CHMP4B: variants seen among roughly 807,000 people sequenced by gnomAD.
The protein encoded by CHMP4B is SNF7 homolog associated with Alix 1.
A neutral mutation model predicts 25.1 loss-of-function variants in CHMP4B; 1 was observed. The ratio of observed to expected loss-of-function variants is 0.04; its 90% CI spans 0.01 to 0.19. The LOEUF (loss-of-function observed/expected upper bound fraction) is 0.19, where lower values mean the gene tolerates loss of function less well. CHMP4B is among the 10% of genes least tolerant of loss of function. CHMP4B has a pLI of 1.00. For synonymous variants in CHMP4B, 101 were observed against 115.6 expected (o/e 0.87, Z 0.81); for missense variants, 151 against 289.7 (o/e 0.52, Z 3.48).
chr20:33,830,951 G>GTTTTTT (rs1555792014), intron 1 of CHMP4B, among the ~76,000 whole-genome samples: 68 of 72,962 alleles, frequency 9.3e-4, no homozygotes, highest in East Asian at 2.2e-3. Context: ...TTTTTTTTTA[G>GTTTTTT]TTTTTTTGAG....
intron 1 of CHMP4B, among the ~76,000 whole-genome samples, chr20:33,813,180 G>C (rs931685616): frequency 1.1e-4 from 16 of 152,006 alleles, no homozygotes; most frequent in Middle Eastern, 3.4e-3. Context: ...CCTTCTGGGC[G>C]TGGAAAGCAG....
intron 2 of CHMP4B, 74 bp downstream of exon 2, chr20:33,848,718 G>A (rs1158682536): frequency 1.3e-6 from 2 of 1,514,572 alleles, no homozygotes; most frequent in African/African-American, 1.4e-5. Flanking sequence ...CCATGGCCTT[G>A]GGCAGACGGA....
In CHMP4B at chr20:33,829,782, C is replaced by T. The variant is rs190025089; in HGVS notation, c.190+18124C>T. On this transcript the variant is annotated intron_variant, in intron 1 of 4. Coordinates refer to ENST00000217402, the MANE Select transcript of CHMP4B (RefSeq NM_176812.5). ...AGAGTCTCCGGAGATAGTTTAAGACCAGTGCCTAATGTAGGGTCAGCCTGA... is the reference window on the plus strand; with the variant it reads ...AGAGTCTCCGGAGATAGTTTAAGACTAGTGCCTAATGTAGGGTCAGCCTGA... Among the ~76,000 whole-genome samples, 14 of 152,258 alleles carry T rather than the reference C, an allele frequency of 9.2e-5. No homozygotes were observed. The East Asian group carries it at 2.7e-3, about 29-fold the overall frequency.
intron 1 of CHMP4B, among the ~76,000 whole-genome samples, chr20:33,837,145 G>A (rs1484612449): frequency 1.3e-5 from 2 of 152,156 alleles, no homozygotes; most frequent in African/African-American, 4.8e-5. Flanking sequence ...CTGGCCGGGC[G>A]CGGTGGCTCA....
chr20:33,837,918 C>T (rs1294366638), intron 1 of CHMP4B, among the ~76,000 whole-genome samples: 1 of 152,142 alleles, frequency 6.6e-6, no homozygotes, highest in East Asian at 1.9e-4. Context: ...TATGGGTTCA[C>T]CTATTGTTAG....
intron 1 of CHMP4B, among the ~76,000 whole-genome samples, chr20:33,821,641 A>T (rs558914201): frequency 5.3e-5 from 8 of 151,834 alleles, no homozygotes; most frequent in Admixed American, 2.0e-4. Context: ...AACCCAGATT[A>T]GGCTGGGTAT....
intron 1 of CHMP4B, among the ~76,000 whole-genome samples, chr20:33,846,729 G>T (rs1979699683): frequency 6.6e-6 from 1 of 152,148 alleles, no homozygotes; most frequent in South Asian, 2.1e-4. Context: ...TGGGGGAGGG[G>T]GTTTTGACCT....
At chr20:33,851,891 T>C (rs1438616822) in intron 3 of CHMP4B, among the ~76,000 whole-genome samples, 186 bp from the exon 4 acceptor site, 1 of 152,180 alleles carries the variant, frequency 6.6e-6, no homozygotes, top group Non-Finnish European at 1.5e-5. Flanking sequence ...TGTGCAGCAG[T>C]GATACGTTCC....
chr20:33,833,936 G>A (rs4911368), intron 1 of CHMP4B, among the ~76,000 whole-genome samples: 22,987 of 152,202 alleles, frequency 0.15, 2,029 homozygotes, highest in East Asian at 0.32. Context: ...TGAGCAAAGT[G>A]TAATTCCTGG....
intron 1 of CHMP4B, among the ~76,000 whole-genome samples, chr20:33,822,780 T>TTTTA (rs1555791669): frequency 3.9e-5 from 6 of 152,090 alleles, no homozygotes; most frequent in Admixed American, 3.3e-4. Flanking sequence ...AGTTAAGTAC[T>TTTTA]TTTCTTTCTT....
chr20:33,811,494 G>A lies in CHMP4B; in HGVS notation c.26G>A (p.Gly9Glu). MSVFGKLFGAGGGKAGKGG... is the reference protein window; with the variant it reads MSVFGKLFEAGGGKAGKGG... ...ATGTCGGTGTTCGGGAAGCTGTTCG[G>A]GGCTGGAGGGGGTAAGGCCGGCAAG... The change falls in exon 1 of 5, where the codon GGG becomes GAG. Residue 9 changes from glycine to glutamate, a missense_variant. Physicochemically the swap from Gly to Glu is moderately conservative, Grantham distance 98. Coordinates refer to ENST00000217402, the MANE Select transcript of CHMP4B (RefSeq NM_176812.5). 6.3e-7 allele frequency: 1 copy of A among 1,588,574 alleles called. No individual in the cohort carries two copies. The highest frequency in any genetic ancestry group is 8.6e-7 in the Non-Finnish European group (1 of 1,167,292).
At chr20:33,832,458 T>C (rs1208035381) in intron 1 of CHMP4B, among the ~76,000 whole-genome samples, 2 of 152,222 alleles carry the variant, frequency 1.3e-5, no homozygotes, top group Non-Finnish European at 2.9e-5. Context: ...GTGCCAGTCA[T>C]AATCAGGTTG....
At chr20:33,842,274 A>G (rs1465047540) in intron 1 of CHMP4B, among the ~76,000 whole-genome samples, 3 of 152,086 alleles carry the variant, frequency 2.0e-5, no homozygotes, top group Non-Finnish European at 4.4e-5. Context: ...CCGAGATCAG[A>G]CAAGATTGGG....
At chr20:33,816,363 G>A (rs1978783471) in intron 1 of CHMP4B, among the ~76,000 whole-genome samples, 1 of 151,938 alleles carries the variant, frequency 6.6e-6, no homozygotes, top group Non-Finnish European at 1.5e-5. Flanking sequence ...GAAAGAGTGT[G>A]GCAAATTGTG....
intron 1 of CHMP4B, among the ~76,000 whole-genome samples, chr20:33,838,517 T>C (rs969096710): frequency 6.6e-6 from 1 of 152,226 alleles, no homozygotes; most frequent in Non-Finnish European, 1.5e-5. Context: ...TCTGGATTTT[T>C]ATGTGTAATA....
At chr20:33,851,969 CCTT>C in intron 3 of CHMP4B, 105 bp from the exon 4 acceptor site, 11 of 1,454,278 alleles carry the variant, frequency 7.6e-6, no homozygotes, top group Non-Finnish European at 1.1e-5. Flanking sequence ...TCCCCGCAGA[CCTT>C]CTCAGAGGGG....
At chr20:33,819,895 T>C (rs1451236747) in intron 1 of CHMP4B, among the ~76,000 whole-genome samples, 1 of 151,960 alleles carries the variant, frequency 6.6e-6, no homozygotes, top group African/African-American at 2.4e-5. Flanking sequence ...TGGCCAGGCG[T>C]GGTGGCTCAC....
At chr20:33,824,841 G>T (rs1305367469) in intron 1 of CHMP4B, among the ~76,000 whole-genome samples, 5 of 148,216 alleles carry the variant, frequency 3.4e-5, no homozygotes, top group Admixed American at 3.3e-4. Flanking sequence ...CCCCAAAAGG[G>T]TGGGGGGAGG....
At chr20:33,845,353 T>G (rs567125652) in intron 1 of CHMP4B, among the ~76,000 whole-genome samples, 1 of 151,238 alleles carries the variant, frequency 6.6e-6, no homozygotes, top group South Asian at 2.1e-4. Context: ...GATGGAGTCT[T>G]GCTCTGTTGC....
Sources: allele counts gnomAD v4.1 joint callset (sites outside exome capture counted in the v4.1 genomes callset), GRCh38; gene constraint gnomAD v4.1.1; transcripts MANE v1.5; gene names NCBI Gene and HGNC (gene_info 2026-07-23, HGNC 2026-07-21).